Variants in GRIK4 observed in about 807,000 individuals in gnomAD.
GRIK4 encodes glutamate ionotropic receptor kainate type subunit 4, also known as glutamate receptor ionotropic, kainate 4.
GRIK4 carries 40 observed loss-of-function variants against 104.9 expected under a neutral mutation model. That is an observed-to-expected ratio of 0.38 (90% CI 0.30 to 0.50). The LOEUF (loss-of-function observed/expected upper bound fraction) is 0.50, where lower values mean the gene tolerates loss of function less well. GRIK4 is among the 20% of genes least tolerant of loss of function. The probability of loss-of-function intolerance (pLI) is 0.93; values close to 1 mark genes in which losing one functional copy is unlikely to be tolerated. For missense variants in GRIK4, 1,047 were observed against 1,308.1 expected, an observed-to-expected ratio of 0.80 and a Z score of 3.08; for synonymous variants, 485 against 524.9, an observed-to-expected ratio of 0.92 and a Z score of 1.04.
At chr11:120,560,494 A>G (rs1237344236) in intron 1 of GRIK4, among the ~76,000 whole-genome samples, 2 of 152,244 alleles carry the variant, frequency 1.3e-5, no homozygotes, top group Non-Finnish European at 2.9e-5. Flanking sequence ...TCACAGTGAT[A>G]TACGGAAGTA....
chr11:120,619,395 G>A (rs1040197969), intron 1 of GRIK4, among the ~76,000 whole-genome samples: 2 of 152,158 alleles, frequency 1.3e-5, no homozygotes, highest in African/African-American at 4.8e-5. Flanking sequence ...TCTCAAATGA[G>A]ACTTTGGACT....
intron 8 of GRIK4, among the ~76,000 whole-genome samples, chr11:120,842,927 G>A (rs1953753336): frequency 6.6e-6 from 1 of 152,240 alleles, no homozygotes. Context: ...TAAATCTGGA[G>A]GGATTATCCA....
At chr11:120,840,064 C>T (rs1182149244) in intron 8 of GRIK4, among the ~76,000 whole-genome samples, 1 of 152,178 alleles carries the variant, frequency 6.6e-6, no homozygotes, top group African/African-American at 2.4e-5. Flanking sequence ...GTCACACAGC[C>T]ATCACAGGCG....
intron 3 of GRIK4, among the ~76,000 whole-genome samples, chr11:120,793,756 G>A (rs968740712): frequency 3.9e-5 from 6 of 151,948 alleles, no homozygotes; most frequent in African/African-American, 1.5e-4. Context: ...ATGGTTTGAG[G>A]GGAAGGGTAG....
At chr11:120,908,697 C>T (rs1942926866) in intron 13 of GRIK4, among the ~76,000 whole-genome samples, 1 of 152,144 alleles carries the variant, frequency 6.6e-6, no homozygotes. Flanking sequence ...CCTGCAGAGG[C>T]CCTATGAAAT....
intron 3 of GRIK4, among the ~76,000 whole-genome samples, chr11:120,696,131 A>G (rs1950445380): frequency 6.6e-6 from 1 of 152,156 alleles, no homozygotes; most frequent in Admixed American, 6.5e-5. Flanking sequence ...ATAAATGACA[A>G]TAGAGCTAAC....
intron 1 of GRIK4, among the ~76,000 whole-genome samples, chr11:120,605,286 A>G (rs1402185786): frequency 6.6e-6 from 1 of 152,228 alleles, no homozygotes; most frequent in Non-Finnish European, 1.5e-5. Context: ...AGCATCACTC[A>G]TGCAATAAAG....
chr11:120,669,468 G>A (rs1233254660), intron 3 of GRIK4, among the ~76,000 whole-genome samples: 1 of 152,082 alleles, frequency 6.6e-6, no homozygotes, highest in African/African-American at 2.4e-5. Flanking sequence ...CAAAAGAATT[G>A]CCTATTCAAG....
intron 11 of GRIK4, among the ~76,000 whole-genome samples, chr11:120,877,313 C>T (rs1954848356): frequency 6.6e-6 from 1 of 152,124 alleles, no homozygotes; most frequent in South Asian, 2.1e-4. Context: ...CCATGCTGGG[C>T]CTGGGGGAAA....
rs1309117638 is a variant in GRIK4 at position 120,719,260 on chromosome 11, A to G, written c.82+58860A>G. On this transcript the variant is annotated intron_variant, in intron 3 of 20. Coordinates refer to ENST00000527524, the MANE Select transcript of GRIK4 (RefSeq NM_014619.5). ...TAAGCTTTTAAAAATAATAGGCTGT[A>G]GCAACTTCTACAGCCACACATAAAG... is the stretch of plus-strand genomic sequence containing the variant. 3.3e-5 allele frequency among the ~76,000 whole-genome samples: 5 copies of G among 152,212 alleles called. No homozygotes were observed. In the East Asian group the frequency reaches 9.6e-4, roughly 29 times the overall value.
chr11:120,685,659 A>T (rs1022272341), intron 3 of GRIK4, among the ~76,000 whole-genome samples: 2 of 152,108 alleles, frequency 1.3e-5, no homozygotes, highest in Non-Finnish European at 2.9e-5. Flanking sequence ...TTTTTTGAAG[A>T]CCACCAACCC....
intron 3 of GRIK4, among the ~76,000 whole-genome samples, chr11:120,662,748 C>A (rs1949838269): frequency 6.6e-6 from 1 of 152,046 alleles, no homozygotes; most frequent in African/African-American, 2.4e-5. Flanking sequence ...TGGGGTTTTC[C>A]CCAACCCCAG....
chr11:120,575,060 C>G (rs1185836479), intron 1 of GRIK4, among the ~76,000 whole-genome samples: 2 of 152,188 alleles, frequency 1.3e-5, no homozygotes, highest in African/African-American at 2.4e-5. Context: ...TCTAAGAGTT[C>G]TGGGAAGAGA....
intron 1 of GRIK4, among the ~76,000 whole-genome samples, chr11:120,520,579 A>G (rs1947784355): frequency 6.6e-6 from 1 of 152,194 alleles, no homozygotes. Flanking sequence ...CAGGTGAGAC[A>G]GGACTTTAGG....
intron 3 of GRIK4, among the ~76,000 whole-genome samples, chr11:120,759,815 C>A (rs933673948): frequency 6.6e-6 from 1 of 151,902 alleles, no homozygotes; most frequent in South Asian, 2.1e-4. Flanking sequence ...GTTATGACTT[C>A]TTTTTTTCCT....
At position 120,549,885 on chromosome 11, in the gene GRIK4, A is replaced by G. The variant is rs1591687920; in HGVS notation, c.-159+37998A>G. Among the ~76,000 whole-genome samples, 1 of 152,138 alleles carries G rather than the reference A, an allele frequency of 6.6e-6. No homozygotes were observed. The highest frequency in any genetic ancestry group is 2.4e-5 in the African/African-American group (1 of 41,422). ...GGCTATGCTGGATGTTGAGATGTGA[A>G]CCTGCGAGGTAGACGGCAGCCTCAG... is the stretch of plus-strand genomic sequence containing the variant. On this transcript the variant is annotated intron_variant, in intron 1 of 20. Coordinates refer to ENST00000527524, the MANE Select transcript of GRIK4 (RefSeq NM_014619.5). This position sits in a 1 kb window ranked among gnomAD's most constrained non-coding sequence, Gnocchi z 4.7.
At chr11:120,644,609 G>A (rs1185079613) in intron 1 of GRIK4, among the ~76,000 whole-genome samples, 3 of 152,312 alleles carry the variant, frequency 2.0e-5, no homozygotes, top group South Asian at 2.1e-4. Flanking sequence ...GTGGCCTGAT[G>A]TCTCAGGAGG....
intron 1 of GRIK4, among the ~76,000 whole-genome samples, chr11:120,616,027 T>C (rs182392524): frequency 1.3e-5 from 2 of 152,244 alleles, no homozygotes; most frequent in Admixed American, 1.3e-4. Flanking sequence ...GACCCAGCTG[T>C]CTGCTGGCTG....
At chr11:120,638,276 AC>A (rs1949424471) in intron 1 of GRIK4, among the ~76,000 whole-genome samples, 1 of 152,172 alleles carries the variant, frequency 6.6e-6, no homozygotes, top group Non-Finnish European at 1.5e-5. Flanking sequence ...AAAACTCTTA[AC>A]ACTCTACAGA....
Sources: allele counts gnomAD v4.1 joint callset (sites outside exome capture counted in the v4.1 genomes callset), GRCh38; gene constraint gnomAD v4.1.1; non-coding constraint Gnocchi (gnomAD v3.1); transcripts MANE v1.5; gene names NCBI Gene and HGNC (gene_info 2026-07-23, HGNC 2026-07-21).